CLUAP1: variants seen among roughly 807,000 people sequenced by gnomAD.
CLUAP1 encodes the protein clusterin-associated protein 1.
Under a neutral mutation model 55.0 loss-of-function variants are expected in CLUAP1, and 50 were observed. The observed-to-expected ratio is 0.91, with a 90% CI of 0.72 to 1.15. CLUAP1 has a LOEUF of 1.15. Ranked by LOEUF, CLUAP1 falls within the 50% of genes most tolerant of loss-of-function variation. The probability of loss-of-function intolerance (pLI) is 0.00; values close to 1 mark genes in which losing one functional copy is unlikely to be tolerated. For missense variants in CLUAP1, 530 were observed against 507.6 expected (o/e 1.04, Z -0.42); for synonymous variants, 195 against 175.4 (o/e 1.11, Z -0.88).
intron 6 of CLUAP1, among the ~76,000 whole-genome samples, chr16:3,518,576 A>G (rs2037773124): frequency 6.6e-6 from 1 of 152,202 alleles, no homozygotes; most frequent in South Asian, 2.1e-4. Flanking sequence ...CTAGGTTTTA[A>G]TCTGACTTTG....
rs192415806 is a variant in CLUAP1, at chr16:3,519,377, G to A, written c.580-526G>A. Among the ~76,000 whole-genome samples, 20 of 152,240 alleles carry A rather than the reference G, an allele frequency of 1.3e-4. 1 individual carries two copies. Among genetic ancestry groups the A allele is most frequent in the Non-Finnish European group, 2.8e-4 (19 of 68,032 alleles). ...GTTTTTAGTCTGTAGTCAAGCTTCT[G>A]TTGCCAGGGAGAGGGAAGAGGACCT... On this transcript the variant is annotated intron_variant, in intron 6 of 11. Transcript: ENST00000576634.
At position 3,532,840 on chromosome 16, in the gene CLUAP1, A is replaced by G. The variant is rs778250347; in HGVS notation, c.1091A>G (p.Asn364Ser). The G allele has an allele frequency of 7.4e-6, 12 of 1,614,062 alleles. No homozygotes were observed. The highest frequency in any genetic ancestry group is 2.7e-5 in the African/African-American group (2 of 75,014). The change falls in exon 11 of 12, where the codon AAT becomes AGT. Residue 364 changes from asparagine (N) to serine (S), a missense_variant and splice_region_variant. Physicochemically the swap from Asn to Ser is conservative, Grantham distance 46 (BLOSUM62 1). Transcript: ENST00000576634. ...GTMQGGDSDD[N>S]EDSEESEIDM... ...ATGCAAGGTGGAGACTCCGATGACA[A>G]TGTAAGTCCCCCGCTCCCCTCAGTG...
chr16:3,526,569 T>G (rs111228808), intron 9 of CLUAP1, 85 bp downstream of exon 9: 14 of 725,632 alleles, frequency 1.9e-5, no homozygotes, highest in Non-Finnish European at 3.8e-6. Context: ...ATATATATAT[T>G]TTTTAATATG....
At position 3,512,482 on chromosome 16, in the gene CLUAP1, A is replaced by T; in HGVS notation, c.495+4A>T. On this transcript the variant is annotated splice_donor_region_variant and intron_variant, in intron 5 of 11. Coordinates refer to ENST00000576634, the MANE Select transcript of CLUAP1 (RefSeq NM_015041.3). The stretch of plus-strand genomic sequence containing the variant: ...CGGCATGGAAGTAGAGTTGAGGGTA[A>T]GCATTCCAGTACTTCCTTAACCATG... 8 of 1,605,288 alleles carry T rather than the reference A, an allele frequency of 5.0e-6. No individual in the cohort carries two copies. Among genetic ancestry groups the T allele is most frequent in the Non-Finnish European group, 6.8e-6 (8 of 1,171,966 alleles).
chr16:3,511,451 T>C (rs1463708679), intron 4 of CLUAP1, among the ~76,000 whole-genome samples: 1 of 152,144 alleles, frequency 6.6e-6, no homozygotes, highest in Non-Finnish European at 1.5e-5. Context: ...CCCAGAACCA[T>C]TGTAAGTCCT....
intron 5 of CLUAP1, among the ~76,000 whole-genome samples, chr16:3,513,715 G>A (rs1308702890): frequency 2.0e-5 from 3 of 152,174 alleles, no homozygotes; most frequent in Non-Finnish European, 4.4e-5. Flanking sequence ...CTCCCAAAGT[G>A]CTGGGATTAC....
intron 7 of CLUAP1, among the ~76,000 whole-genome samples, chr16:3,520,632 A>G (rs1241856285): frequency 6.6e-6 from 1 of 152,170 alleles, no homozygotes; most frequent in African/African-American, 2.4e-5. Context: ...AGGCAGAGTA[A>G]GTGAATCCAG....
chr16:3,526,362 C>T, intron 8 of CLUAP1, 50 bp from the exon 9 acceptor site: 1 of 1,288,882 alleles, frequency 7.8e-7, no homozygotes, highest in Non-Finnish European at 1.1e-6. Flanking sequence ...AAGAATAGAA[C>T]AGTCCAGAAA....
Position 3,536,119 on chromosome 16 carries a change from TAGG to T in CLUAP1, c.1095_1097del (p.Glu365del). 6.2e-7 allele frequency: 1 copy of T among 1,613,806 alleles called. No homozygotes were observed. The highest frequency in any genetic ancestry group is 1.1e-5 in the South Asian group (1 of 91,052). ...CGTTGCATCTGCCATTTTTTTCCTA[TAGG>T]AGGACTCGGAGGAGAGTGAAATTGA... On this transcript the variant is annotated splice_acceptor_variant and coding_sequence_variant, in exon 12 of 12. Coordinates refer to ENST00000576634, the MANE Select transcript of CLUAP1 (RefSeq NM_015041.3). LOFTEE classifies it high-confidence loss of function.
rs145703638 is a variant in CLUAP1, at chr16:3,516,564, A to T, written c.579+973A>T. 6.8e-3 allele frequency among the ~76,000 whole-genome samples: 1,034 copies of T among 152,298 alleles called. 15 individuals carry two copies. Among genetic ancestry groups the T allele is most frequent in the African/African-American group, 0.024 (977 of 41,556 alleles). On this transcript the variant is annotated intron_variant, in intron 6 of 11. Coordinates refer to ENST00000576634, the MANE Select transcript of CLUAP1 (RefSeq NM_015041.3). Reference sequence around the variant, plus strand: ...GAAAAAAGTCACAAAAATGTCACAAAAATGGAAAGAGAGAAAATTAGGGTG... The same window carrying T: ...GAAAAAAGTCACAAAAATGTCACAATAATGGAAAGAGAGAAAATTAGGGTG...
chr16:3,522,431 T>TG (rs1174951866), intron 7 of CLUAP1, among the ~76,000 whole-genome samples: 1 of 152,246 alleles, frequency 6.6e-6, no homozygotes, highest in African/African-American at 2.4e-5. Context: ...CCCAAAGTGC[T>TG]GGGATTACAG....
intron 3 of CLUAP1, among the ~76,000 whole-genome samples, chr16:3,507,489 G>C (rs1183631754): frequency 6.6e-6 from 1 of 151,598 alleles, no homozygotes; most frequent in African/African-American, 2.4e-5. Flanking sequence ...GAGCCCGGGA[G>C]GTTGAGGCTG....
upstream of CLUAP1, among the ~76,000 whole-genome samples, chr16:3,497,384 A>G (rs1406972134): frequency 6.6e-6 from 1 of 152,196 alleles, no homozygotes; most frequent in Non-Finnish European, 1.5e-5. Flanking sequence ...ACAACTCTGA[A>G]TACTATAAAA....
At chr16:3,506,979 G>A (rs1414252765) in intron 3 of CLUAP1, among the ~76,000 whole-genome samples, 5 of 151,310 alleles carry the variant, frequency 3.3e-5, no homozygotes, top group East Asian at 2.0e-4. Flanking sequence ...GGCGGATCAC[G>A]AGGTCAGGAG....
At chr16:3,533,222 C>CCT in intron 11 of CLUAP1, 1 of 1,292,584 alleles carries the variant, frequency 7.7e-7, no homozygotes, top group South Asian at 1.3e-5. Context: ...CAGCCAGGGG[C>CCT]CTCTCCCTAG....
At chr16:3,502,089 G>A (rs1178310747) in intron 1 of CLUAP1, 1 of 152,322 alleles carries the variant, frequency 6.6e-6, no homozygotes, top group Non-Finnish European at 1.5e-5. Flanking sequence ...GGGCTGGTAA[G>A]GAGAAGGGAG....
At chr16:3,524,960 G>C (rs2037913127) in intron 8 of CLUAP1, among the ~76,000 whole-genome samples, 1 of 152,174 alleles carries the variant, frequency 6.6e-6, no homozygotes, top group South Asian at 2.1e-4. Flanking sequence ...CCTTTCTCAT[G>C]CCCTTGACAG....
intron 10 of CLUAP1, among the ~76,000 whole-genome samples, chr16:3,532,050 G>A (rs1028266063): frequency 6.6e-6 from 1 of 152,074 alleles, no homozygotes; most frequent in Non-Finnish European, 1.5e-5. Context: ...TGTTGGCCAG[G>A]CTGGTCTCGA....
At chr16:3,503,672 C>T (rs1461901326) in intron 1 of CLUAP1, among the ~76,000 whole-genome samples, 1 of 152,168 alleles carries the variant, frequency 6.6e-6, no homozygotes, top group Non-Finnish European at 1.5e-5. Context: ...TCTGAGCTTA[C>T]TGCAACCTCC....
Sources: allele counts gnomAD v4.1 joint callset (sites outside exome capture counted in the v4.1 genomes callset), GRCh38; gene constraint gnomAD v4.1.1; transcripts MANE v1.5; gene names NCBI Gene and HGNC (gene_info 2026-07-23, HGNC 2026-07-21).